The following XRCC5 variants were observed in gnomAD, a reference collection of about 807,000 sequenced individuals.
XRCC5 encodes DNA repair protein Ku80.
A neutral mutation model predicts 95.7 loss-of-function variants in XRCC5; 12 were observed. The ratio of observed to expected loss-of-function variants is 0.13; its 90% confidence interval spans 0.08 to 0.20. The LOEUF (loss-of-function observed/expected upper bound fraction) is 0.20, where lower values mean the gene tolerates loss of function less well. XRCC5 is among the 10% of genes least tolerant of loss of function. The pLI, the probability that XRCC5 is intolerant of heterozygous loss-of-function variation, is 1.00. For synonymous variants in XRCC5, 281 were observed against 290.3 expected (o/e 0.97, Z 0.33); for missense variants, 595 against 873.9 (o/e 0.68, Z 4.02).
At position 216,109,390 on chromosome 2, in the gene XRCC5, A is replaced by G. The variant is rs767470698; in HGVS notation, c.-47A>G. 1.2e-6 allele frequency: 2 copies of G among 1,613,134 alleles called. No individual in the cohort carries two copies. The highest frequency in any genetic ancestry group is 1.7e-5 in the Admixed American group (1 of 59,940). On this transcript the variant is annotated 5_prime_UTR_variant, in exon 1 of 21. Coordinates refer to ENST00000392132, the MANE Select transcript of XRCC5 (RefSeq NM_021141.4). ...CACCGGAAGCGAGTTGCGACACGGC[A>G]GGTTCCCGCCCGGAAGAAGCGACCA...
At chr2:216,148,526 G>C (rs1482218104) in intron 14 of XRCC5, among the ~76,000 whole-genome samples, 1 of 152,294 alleles carries the variant, frequency 6.6e-6, no homozygotes, top group East Asian at 1.9e-4. Flanking sequence ...ATCAGCATCA[G>C]ATTCTTGGTG....
chr2:216,164,087 T>A (rs1328726757), intron 16 of XRCC5, among the ~76,000 whole-genome samples: 1 of 152,212 alleles, frequency 6.6e-6, no homozygotes, highest in African/African-American at 2.4e-5. Context: ...CACAGTATTA[T>A]ACCTGTTGTC....
At chr2:216,205,115 C>A (rs1375094641) in intron 20 of XRCC5, 73 bp from the exon 21 acceptor site, 7 of 1,576,734 alleles carry the variant, frequency 4.4e-6, no homozygotes, top group Non-Finnish European at 6.1e-6. Flanking sequence ...TTTCATTAAA[C>A]CCTCTCTCAC....
intron 11 of XRCC5, 128 bp downstream of exon 11, chr2:216,137,353 T>C: frequency 9.0e-7 from 1 of 1,108,366 alleles, no homozygotes. Flanking sequence ...CATTGTGTAG[T>C]TCTGGGGCAG....
intron 14 of XRCC5, among the ~76,000 whole-genome samples, chr2:216,149,414 A>T (rs1358037299): frequency 1.3e-5 from 2 of 152,132 alleles, no homozygotes; most frequent in African/African-American, 2.4e-5. Flanking sequence ...CATTTCTTAC[A>T]CATCCTGGAG....
chr2:216,206,168 T>TGTACA lies in XRCC5; in HGVS notation c.*966_*967insGTACA, dbSNP rs1220978044. ...CCTCATTCTTGCCTTGAGTTCCAGT[T>TGTACA]CCTCTTTGGTGTACAGACTTCTTGG... On this transcript the variant is annotated 3_prime_UTR_variant, in exon 21 of 21. Transcript: ENST00000392132. 14 of 152,344 alleles carry TGTACA rather than the reference T, an allele frequency of 9.2e-5. No individual in the cohort carries two copies. The East Asian group carries it at 1.5e-3, about 17-fold the overall frequency. 9.4% of individuals were successfully genotyped at this position (152,344 alleles called of 1,614,324 possible).
chr2:216,143,004 A>G (rs530344340), intron 13 of XRCC5, among the ~76,000 whole-genome samples: 2 of 152,314 alleles, frequency 1.3e-5, no homozygotes, highest in Middle Eastern at 3.4e-3. Context: ...CCTACCAATC[A>G]TCATAGCTTA....
At chr2:216,170,619 TATG>T (rs1689146324) in intron 16 of XRCC5, among the ~76,000 whole-genome samples, 1 of 152,142 alleles carries the variant, frequency 6.6e-6, no homozygotes, top group Non-Finnish European at 1.5e-5. Context: ...TCTAATTTGA[TATG>T]AGATTTGGGC....
chr2:216,141,565 T>TTTTTTTTTTTTTTTTTTTG (rs1697172586), intron 13 of XRCC5, among the ~76,000 whole-genome samples: 1 of 55,198 alleles, frequency 1.8e-5, no homozygotes, highest in Admixed American at 1.5e-4. Flanking sequence ...TTTTTTTTTT[T>TTTTTTTTTTTTTTTTTTTG]TCCTGGAAGA....
At chr2:216,120,818 C>G (rs569936896) in intron 5 of XRCC5, among the ~76,000 whole-genome samples, 14 of 152,312 alleles carry the variant, frequency 9.2e-5, no homozygotes, top group Non-Finnish European at 1.5e-4. Context: ...TCACTGCAAC[C>G]TCCGCCTCCC....
intron 16 of XRCC5, among the ~76,000 whole-genome samples, chr2:216,186,692 CACTA>C (rs368843169): frequency 2.0e-5 from 3 of 152,100 alleles, no homozygotes; most frequent in Non-Finnish European, 2.9e-5. Context: ...ATTATTGAGT[CACTA>C]ACTAATTTCG....
intron 18 of XRCC5, among the ~76,000 whole-genome samples, 194 bp from the exon 19 acceptor site, chr2:216,194,725 C>G (rs549631987): frequency 2.0e-5 from 3 of 152,250 alleles, no homozygotes; most frequent in Admixed American, 6.5e-5. Flanking sequence ...AATCCCAGCA[C>G]TTTGGGAGGC....
intron 19 of XRCC5, among the ~76,000 whole-genome samples, chr2:216,203,028 G>C (rs1317634505): frequency 6.6e-6 from 1 of 152,208 alleles, no homozygotes; most frequent in Non-Finnish European, 1.5e-5. Context: ...CAGAGGTCAT[G>C]ATTGTGTCCA....
intron 17 of XRCC5, 25 bp downstream of exon 17, chr2:216,190,359 T>C: frequency 6.3e-7 from 1 of 1,599,660 alleles, no homozygotes; most frequent in Non-Finnish European, 8.6e-7. Context: ...GCATCTCTTT[T>C]CTTCCTAAAC....
intron 15 of XRCC5, among the ~76,000 whole-genome samples, chr2:216,160,559 A>G (rs574703643): frequency 2.0e-5 from 3 of 152,134 alleles, no homozygotes; most frequent in Non-Finnish European, 4.4e-5. Context: ...CTAACATGCA[A>G]CTTTAGAACA....
chr2:216,170,064 AAAAAAAGAT>A (rs1689129696), intron 16 of XRCC5, among the ~76,000 whole-genome samples: 2 of 144,856 alleles, frequency 1.4e-5, no homozygotes, highest in Non-Finnish European at 3.0e-5. Flanking sequence ...AAAAAAAAAA[AAAAAAAGAT>A]GCACTTGACC....
intron 5 of XRCC5, 82 bp downstream of exon 5, chr2:216,119,247 G>T (rs1237061303): frequency 1.3e-6 from 2 of 1,500,572 alleles, no homozygotes; most frequent in East Asian, 2.3e-5. Context: ...AGAGTACTTG[G>T]TTTATGGGAA....
intron 14 of XRCC5, among the ~76,000 whole-genome samples, chr2:216,154,933 C>CT (rs1347524544): frequency 6.6e-6 from 1 of 151,920 alleles, no homozygotes; most frequent in Non-Finnish European, 1.5e-5. Context: ...AAACCATTTT[C>CT]TTTTTTTAAA....
intron 12 of XRCC5, among the ~76,000 whole-genome samples, chr2:216,139,376 G>C (rs114210482): frequency 0.013 from 1,944 of 152,164 alleles, 38 homozygotes; most frequent in African/African-American, 0.044. Context: ...GCACTTACAT[G>C]GTGGCAGCAA....
Sources: gnomAD v4.1 joint callset for allele counts (sites outside exome capture counted in the v4.1 genomes callset) on GRCh38, gnomAD v4.1.1 for gene constraint, MANE v1.5 for transcripts, NCBI Gene and HGNC (gene_info 2026-07-23, HGNC 2026-07-21) for gene names.